The following SPAG16 variants were observed in gnomAD, a reference collection of about 807,000 sequenced individuals.
The protein encoded by SPAG16 is sperm associated antigen 16.
SPAG16 carries 86 observed loss-of-function variants against 80.4 expected under a neutral mutation model. That is an observed-to-expected ratio of 1.07 (90% CI 0.90 to 1.28). SPAG16 has a LOEUF of 1.28. Ranked by LOEUF, SPAG16 falls within the 50% of genes most tolerant of loss-of-function variation. The pLI, the probability that SPAG16 is intolerant of heterozygous loss-of-function variation, is 0.00. For missense variants in SPAG16, 870 were observed against 765.3 expected, an observed-to-expected ratio of 1.14 and a Z score of -1.61; for synonymous variants, 294 against 265.9, an observed-to-expected ratio of 1.11 and a Z score of -1.03.
chr2:214,285,116 T>C (rs1421700300), intron 15 of SPAG16, among the ~76,000 whole-genome samples: 1 of 152,208 alleles, frequency 6.6e-6, no homozygotes, highest in Non-Finnish European at 1.5e-5. Context: ...TTCTCTTTCC[T>C]CATATTCTTG....
intron 10 of SPAG16, among the ~76,000 whole-genome samples, chr2:213,605,117 A>G (rs2061210146): frequency 6.6e-6 from 1 of 152,058 alleles, no homozygotes; most frequent in South Asian, 2.1e-4. Context: ...GAAAATGTAA[A>G]GAATAATAAG....
At chr2:214,115,553 A>T (rs1200740940) in intron 14 of SPAG16, among the ~76,000 whole-genome samples, 1 of 152,214 alleles carries the variant, frequency 6.6e-6, no homozygotes, top group Non-Finnish European at 1.5e-5. Context: ...ATTCACAGAA[A>T]CAAGGGTAAT....
intron 15 of SPAG16, among the ~76,000 whole-genome samples, chr2:214,320,101 C>T (rs1471942172): frequency 6.6e-6 from 1 of 152,156 alleles, no homozygotes; most frequent in African/African-American, 2.4e-5. Context: ...ACCAAACAGT[C>T]CAGCTTCATC....
At chr2:213,755,173 T>G (rs1246364404) in intron 10 of SPAG16, among the ~76,000 whole-genome samples, 2 of 152,204 alleles carry the variant, frequency 1.3e-5, no homozygotes, top group Admixed American at 1.3e-4. Flanking sequence ...TATTTTTTTA[T>G]GTTGGTGTTA....
chr2:213,799,844 AG>A (rs1469944762), intron 10 of SPAG16, among the ~76,000 whole-genome samples: 1 of 152,112 alleles, frequency 6.6e-6, no homozygotes, highest in East Asian at 1.9e-4. Context: ...CAATATCAAT[AG>A]GAAACATATA....
intron 13 of SPAG16, among the ~76,000 whole-genome samples, chr2:214,042,015 C>CACAG (rs1553702186): frequency 2.2e-5 from 3 of 137,924 alleles, no homozygotes; most frequent in Non-Finnish European, 4.7e-5. Flanking sequence ...TATACACACA[C>CACAG]ACACAAATAT....
intron 12 of SPAG16, among the ~76,000 whole-genome samples, chr2:214,006,140 A>C (rs2047016219): frequency 6.6e-6 from 1 of 152,170 alleles, no homozygotes; most frequent in African/African-American, 2.4e-5. Flanking sequence ...TGTTCACTTA[A>C]AAAATATCTT....
At chr2:213,356,338 G>T (rs2065648976) in intron 7 of SPAG16, among the ~76,000 whole-genome samples, 1 of 152,180 alleles carries the variant, frequency 6.6e-6, no homozygotes, top group South Asian at 2.1e-4. Context: ...GCTCCTCTTT[G>T]TACCTCTGGC....
intron 13 of SPAG16, among the ~76,000 whole-genome samples, chr2:214,057,064 C>A (rs1390406597): frequency 6.6e-6 from 1 of 152,094 alleles, no homozygotes; most frequent in Admixed American, 6.6e-5. Flanking sequence ...TTTTGAACTT[C>A]TCAAAGACAT....
chr2:213,607,265 A>T (rs2061294786), intron 10 of SPAG16, among the ~76,000 whole-genome samples: 1 of 152,236 alleles, frequency 6.6e-6, no homozygotes, highest in Non-Finnish European at 1.5e-5. Context: ...TACTGTAGTA[A>T]AATATTTCTT....
In SPAG16 at chr2:213,820,167, T is replaced by C. The variant is rs555650984; in HGVS notation, c.1071-42318T>C. Among the ~76,000 whole-genome samples the C allele has an allele frequency of 2.6e-5, 4 of 152,054 alleles. No homozygotes were observed. In the East Asian group the frequency reaches 7.8e-4, roughly 30 times the overall value. ...ACAGCTCATTGCAGCTTCAACTTCC[T>C]GGGATCCAGGGACCTCCTACTTCCA... On this transcript the variant is annotated intron_variant, in intron 10 of 15. Transcript: ENST00000331683.
intron 11 of SPAG16, among the ~76,000 whole-genome samples, chr2:213,869,265 A>AAAAATG (rs1491244962): frequency 8.1e-5 from 2 of 24,804 alleles, no homozygotes; most frequent in East Asian, 6.7e-3. Context: ...AAAAAAAAAA[A>AAAAATG]TATATATATA....
chr2:214,348,396 C>T (rs1465216161), intron 15 of SPAG16, among the ~76,000 whole-genome samples: 1 of 152,182 alleles, frequency 6.6e-6, no homozygotes, highest in African/African-American at 2.4e-5. Context: ...GACATTCCTT[C>T]AATCAAATAG....
chr2:213,408,016 CAG>C (rs914868703), intron 9 of SPAG16, among the ~76,000 whole-genome samples: 2 of 104,190 alleles, frequency 1.9e-5, no homozygotes, highest in African/African-American at 3.8e-5. Context: ...AGGAGAGAGG[CAG>C]AGAGAGACAG....
chr2:214,153,655 G>A (rs1476938479), intron 15 of SPAG16, among the ~76,000 whole-genome samples: 1 of 152,024 alleles, frequency 6.6e-6, no homozygotes, highest in Non-Finnish European at 1.5e-5. Flanking sequence ...TGCCACTGTA[G>A]AAGTTTTCTA....
At chr2:214,393,766 G>T (rs1174342023) in intron 15 of SPAG16, among the ~76,000 whole-genome samples, 1 of 152,088 alleles carries the variant, frequency 6.6e-6, no homozygotes, top group Non-Finnish European at 1.5e-5. Context: ...GAGAAGTAAT[G>T]AAGGTATTAA....
intron 15 of SPAG16, among the ~76,000 whole-genome samples, chr2:214,152,580 G>C (rs539403100): frequency 6.6e-6 from 1 of 152,238 alleles, no homozygotes; most frequent in East Asian, 1.9e-4. Context: ...GTGCGGCGAC[G>C]AGAGAGTGTA....
Position 214,080,993 on chromosome 2 carries a change from T to C in SPAG16, c.1528-27203T>C, listed in dbSNP as rs546815481. Among the ~76,000 whole-genome samples, 18 of 152,130 alleles carry C rather than the reference T, an allele frequency of 1.2e-4. 1 individual carries two copies. In the South Asian group the frequency reaches 2.3e-3, roughly 19 times the overall value. ...ATATGCCTGATCCAGAAACCACACTTTGAGAACCACTGAATAAGAAAATAG... is the reference window on the plus strand; with the variant it reads ...ATATGCCTGATCCAGAAACCACACTCTGAGAACCACTGAATAAGAAAATAG... On this transcript the variant is annotated intron_variant, in intron 13 of 15. Coordinates refer to ENST00000331683, the MANE Select transcript of SPAG16 (RefSeq NM_024532.5).
At chr2:214,301,674 CT>C (rs1464124771) in intron 15 of SPAG16, among the ~76,000 whole-genome samples, 3 of 151,964 alleles carry the variant, frequency 2.0e-5, no homozygotes, top group Non-Finnish European at 4.4e-5. Flanking sequence ...TTCTTTATTT[CT>C]TGGTTAATCT....
Sources: allele counts gnomAD v4.1 joint callset (sites outside exome capture counted in the v4.1 genomes callset), GRCh38; gene constraint gnomAD v4.1.1; transcripts MANE v1.5; gene names NCBI Gene and HGNC (gene_info 2026-07-23, HGNC 2026-07-21).